The following PRKCSH variants were observed in gnomAD, a reference collection of about 807,000 sequenced individuals.
PRKCSH encodes PRKCSH beta subunit of glucosidase II.
PRKCSH carries 42 observed loss-of-function variants against 79.7 expected under a neutral mutation model. The observed-to-expected ratio is 0.53, with a 90% CI of 0.41 to 0.68. The LOEUF is 0.68. Among genes scored for constraint, PRKCSH ranks in the 30% least tolerant of loss-of-function variants. PRKCSH has a pLI of 0.00. For missense variants in PRKCSH, 686 were observed against 709.0 expected, an observed-to-expected ratio of 0.97 and a Z score of 0.37; for synonymous variants, 325 against 288.2, an observed-to-expected ratio of 1.13 and a Z score of -1.29.
At position 11,449,844 on chromosome 19, in the gene PRKCSH, C is replaced by CTT; in HGVS notation, c.*16+426_*16+427dup. The CTT allele has an allele frequency of 1.2e-4, 22 of 190,536 alleles. No individual in the cohort carries two copies. The highest frequency in any genetic ancestry group is 2.4e-4 in the South Asian group (3 of 12,260). The allele number at this position is 190,536 out of a possible 1,614,324, so 11.8% of individuals were successfully genotyped here. A position where few individuals can be genotyped will look rare whatever the true frequency, so the allele number is the denominator to read the frequency against. On this transcript the variant is annotated intron_variant, in intron 17 of 17. Transcript: ENST00000677123. The surrounding 1 kb of genome is among the most constrained non-coding windows in gnomAD (Gnocchi z 6.4). Reference sequence around the variant, plus strand: ...GCCACCACACCCGGCCATCTCCTGCCTTTTTTTTTTTGGATGGAGTTTCAC... The same window carrying CTT: ...GCCACCACACCCGGCCATCTCCTGCCTTTTTTTTTTTTTGGATGGAGTTTCAC...
At chr19:11,446,583 C>T (rs1007608907) in intron 9 of PRKCSH, among the ~76,000 whole-genome samples, 3 of 151,356 alleles carry the variant, frequency 2.0e-5, no homozygotes, top group Non-Finnish European at 4.4e-5. Flanking sequence ...CGCTGTTGAG[C>T]ACCCAATCCC....
chr19:11,442,651 AGGTTC>A (rs1458396029), intron 7 of PRKCSH, 136 bp downstream of exon 7: 41 of 1,382,192 alleles, frequency 3.0e-5, no homozygotes, highest in Non-Finnish European at 3.8e-5. Context: ...GTGTGCTTTG[AGGTTC>A]GCTTGGATTG....
intron 7 of PRKCSH, among the ~76,000 whole-genome samples, chr19:11,444,671 T>C (rs932865303): frequency 2.0e-5 from 3 of 152,170 alleles, no homozygotes; most frequent in Non-Finnish European, 4.4e-5. Flanking sequence ...TCCGCTCTGC[T>C]TAGGTTAGAG....
At chr19:11,439,481 C>T (rs1423915690) in intron 5 of PRKCSH, among the ~76,000 whole-genome samples, 1 of 150,184 alleles carries the variant, frequency 6.7e-6, no homozygotes, top group Non-Finnish European at 1.5e-5. Flanking sequence ...ACTGGTTGGG[C>T]ATGTGGCTCA....
chr19:11,436,359 G>T (rs773894657), intron 2 of PRKCSH, 30 bp from the exon 3 acceptor site: 61 of 1,606,930 alleles, frequency 3.8e-5, no homozygotes, highest in Admixed American at 8.3e-5. Context: ...GCGCTTACCT[G>T]CCCTGGGCTG....
intron 8 of PRKCSH, 35 bp from the exon 9 acceptor site, chr19:11,446,237 C>T: frequency 6.2e-7 from 1 of 1,607,386 alleles, no homozygotes; most frequent in Non-Finnish European, 8.5e-7. Context: ...ACTGGGGCCT[C>T]ACCCCTCCAG....
intron 9 of PRKCSH, among the ~76,000 whole-genome samples, chr19:11,446,560 C>A (rs1487557508): frequency 1.3e-5 from 2 of 151,814 alleles, no homozygotes; most frequent in Non-Finnish European, 2.9e-5. Flanking sequence ...CCCGCACCTG[C>A]CCCCACTCTA....
At chr19:11,439,079 T>C (rs1969922329) in intron 5 of PRKCSH, among the ~76,000 whole-genome samples, 1 of 151,936 alleles carries the variant, frequency 6.6e-6, no homozygotes, top group Non-Finnish European at 1.5e-5. Flanking sequence ...TGGCTAACTT[T>C]TGTATTTTTG....
rs1185729726 is a variant in PRKCSH, at chr19:11,446,213, C to T, written c.684-59C>T. On this transcript the variant is annotated intron_variant, in intron 8 of 17. Transcript: ENST00000677123. The stretch of plus-strand genomic sequence containing the variant: ...AAGAACAGGTGGGCCACATGGTGCC[C>T]CCAACTGAGAGCCACTGGGGCCTCA... 5.7e-6 allele frequency: 9 copies of T among 1,581,172 alleles called. No individual in the cohort carries two copies. In the East Asian group the frequency reaches 2.0e-4, roughly 35 times the overall value.
At chr19:11,438,599 CA>C (rs1904517947) in intron 5 of PRKCSH, among the ~76,000 whole-genome samples, 2 of 151,564 alleles carry the variant, frequency 1.3e-5, no homozygotes, top group African/African-American at 2.4e-5. Flanking sequence ...ACTAAAAATA[CA>C]AAAAATTAGC....
intron 6 of PRKCSH, 75 bp from the exon 7 acceptor site, chr19:11,442,311 G>T: frequency 6.6e-7 from 1 of 1,521,402 alleles, no homozygotes; most frequent in Admixed American, 2.0e-5. Context: ...CTGTGGAGTA[G>T]AGGCAGGGAG....
intron 7 of PRKCSH, 21 bp downstream of exon 7, chr19:11,442,536 G>A (rs1395846874): frequency 6.2e-7 from 1 of 1,607,462 alleles, no homozygotes; most frequent in Non-Finnish European, 8.5e-7. Context: ...AATGGCCAAG[G>A]ACTCACCTTC....
At chr19:11,450,541 C>G (rs942570960) in intron 17 of PRKCSH, 105 bp from the exon 18 acceptor site, 12 of 152,152 alleles carry the variant, frequency 7.9e-5, no homozygotes. Context: ...CTCCTGGCCT[C>G]AAATGATCCT....
chr19:11,439,327 T>C (rs1969936946), intron 5 of PRKCSH, among the ~76,000 whole-genome samples: 1 of 151,898 alleles, frequency 6.6e-6, no homozygotes, highest in Non-Finnish European at 1.5e-5. Flanking sequence ...TCCCAGCATT[T>C]TGGGAGGCTG....
chr19:11,444,354 C>A (rs972721528), intron 7 of PRKCSH, among the ~76,000 whole-genome samples: 6 of 152,070 alleles, frequency 3.9e-5, no homozygotes, highest in Non-Finnish European at 7.4e-5. Context: ...GCCAGGGCTC[C>A]GAGGGTAGAT....
chr19:11,448,024 C>T lies in PRKCSH; in HGVS notation c.1127-198C>T, dbSNP rs1970403800. 1 of 755,278 alleles carries T rather than the reference C, an allele frequency of 1.3e-6. No homozygotes were observed. The highest frequency in any genetic ancestry group is 1.7e-5 in the South Asian group (1 of 57,144). The allele number at this position is 755,278 out of a possible 1,614,324, so 46.8% of individuals were successfully genotyped here. On this transcript the variant is annotated intron_variant, in intron 12 of 17. Transcript: ENST00000677123. This position sits in a 1 kb window ranked among gnomAD's most constrained non-coding sequence, Gnocchi z 4.4. ...AGCTTGTTTGTGTCACTCCTGGCCC[C>T]ACTCGCTCAGGAGCTGGGAGCCTGG... is the stretch of plus-strand genomic sequence containing the variant.
intron 3 of PRKCSH, 134 bp downstream of exon 3, chr19:11,436,639 T>A: frequency 1.2e-6 from 1 of 808,680 alleles, no homozygotes; most frequent in Non-Finnish European, 2.1e-6. Context: ...AAGTCAGTGG[T>A]CAGTGTTATG....
At chr19:11,436,596 G>A in intron 3 of PRKCSH, 91 bp downstream of exon 3, 1 of 1,095,800 alleles carries the variant, frequency 9.1e-7, no homozygotes, top group East Asian at 2.6e-5. Context: ...TACCTCTGCT[G>A]GCTCCCCTTT....
intron 1 of PRKCSH, 111 bp from the exon 2 acceptor site, chr19:11,435,930 C>T (rs1599476713): frequency 2.1e-6 from 2 of 941,068 alleles, no homozygotes; most frequent in East Asian, 2.5e-5. Flanking sequence ...CGCTGCCCCT[C>T]GCCCCCATAT....
Sources: allele counts gnomAD v4.1 joint callset (sites outside exome capture counted in the v4.1 genomes callset), GRCh38; gene constraint gnomAD v4.1.1; non-coding constraint Gnocchi (gnomAD v3.1); transcripts MANE v1.5; gene names NCBI Gene and HGNC (gene_info 2026-07-23, HGNC 2026-07-21).